RTN1: variants seen among roughly 807,000 people sequenced by gnomAD.
The protein encoded by RTN1 is reticulon-1.
RTN1 carries 25 observed loss-of-function variants against 65.5 expected under a neutral mutation model. The observed-to-expected ratio is 0.38, with a 90% CI of 0.28 to 0.53. RTN1 has a LOEUF of 0.53. Among genes scored for constraint, RTN1 ranks in the 20% least tolerant of loss-of-function variants. The pLI is 0.79. For missense variants in RTN1, 983 were observed against 1,025.4 expected (o/e 0.96, Z 0.57); for synonymous variants, 471 against 447.6 (o/e 1.05, Z -0.66).
chr14:59,635,954 T>C (rs1365874489), intron 3 of RTN1, among the ~76,000 whole-genome samples: 3 of 152,196 alleles, frequency 2.0e-5, no homozygotes, highest in Admixed American at 2.0e-4. Flanking sequence ...CTTAAAGTTA[T>C]AGTTTCCAAG....
chr14:59,645,863 A>G (rs1882884318), intron 3 of RTN1, among the ~76,000 whole-genome samples: 1 of 152,240 alleles, frequency 6.6e-6, no homozygotes, highest in Admixed American at 6.5e-5. Flanking sequence ...AAATGCAGAG[A>G]TGAGAAAGAA....
At chr14:59,864,558 A>AAG (rs1256896097) in intron 1 of RTN1, among the ~76,000 whole-genome samples, 1 of 151,838 alleles carries the variant, frequency 6.6e-6, no homozygotes, top group Non-Finnish European at 1.5e-5. Context: ...CCAAGAAAAA[A>AAG]AAAGTATAGT....
intron 1 of RTN1, among the ~76,000 whole-genome samples, chr14:59,799,496 T>C (rs1317856148): frequency 2.0e-5 from 3 of 152,192 alleles, no homozygotes; most frequent in Admixed American, 6.5e-5. Context: ...ATGGGACACA[T>C]GAATTCTTTC....
chr14:59,682,360 A>T lies in RTN1; in HGVS notation c.1765+44559T>A, dbSNP rs531577264. The stretch of plus-strand genomic sequence containing the variant: ...TTTGAACAAGATTTATTACACATCC[A>T]ATGTTATACCATGCATTGTGCTGGC... On this transcript the variant is annotated intron_variant, in intron 3 of 8. Coordinates refer to ENST00000267484, the MANE Select transcript of RTN1 (RefSeq NM_021136.3). Among the ~76,000 whole-genome samples the T allele has an allele frequency of 9.9e-5, 15 of 152,258 alleles. No homozygotes were observed. The East Asian group carries it at 2.7e-3, about 27-fold the overall frequency.
intron 1 of RTN1, among the ~76,000 whole-genome samples, chr14:59,779,311 G>A (rs1380495766): frequency 6.6e-6 from 1 of 152,000 alleles, no homozygotes. Context: ...GGGAGAAAGA[G>A]GTTTGAGAAG....
intron 1 of RTN1, among the ~76,000 whole-genome samples, chr14:59,807,571 G>A (rs1203927240): frequency 6.6e-6 from 1 of 152,192 alleles, no homozygotes; most frequent in Non-Finnish European, 1.5e-5. Flanking sequence ...GCTGCTTCTA[G>A]GACATGGCAG....
chr14:59,754,775 A>G (rs992246942), intron 1 of RTN1, among the ~76,000 whole-genome samples: 2 of 152,006 alleles, frequency 1.3e-5, no homozygotes, highest in African/African-American at 4.8e-5. Context: ...CTCTAATGAC[A>G]TCCTCTCATG....
At chr14:59,858,472 G>GT (rs71111672) in intron 1 of RTN1, among the ~76,000 whole-genome samples, 26,148 of 143,062 alleles carry the variant, frequency 0.18, 2,672 homozygotes, top group East Asian at 0.31. Flanking sequence ...TTCAAGAGTA[G>GT]TTTTTTTTTT....
Position 59,624,618 on chromosome 14 carries a change from C to T in RTN1, c.1766-17126G>A, listed in dbSNP as rs1006028361. On this transcript the variant is annotated intron_variant, in intron 3 of 8. Transcript: ENST00000267484. ...TTAGGACTACAGGCGTGTGCCACCACGCCTGACTAGTTTTTGTATTTTTAG... is the reference window on the plus strand; with the variant it reads ...TTAGGACTACAGGCGTGTGCCACCATGCCTGACTAGTTTTTGTATTTTTAG... Among the ~76,000 whole-genome samples, 7 of 152,136 alleles carry T rather than the reference C, an allele frequency of 4.6e-5. No individual in the cohort carries two copies. The East Asian group carries it at 7.7e-4, about 17-fold the overall frequency.
At chr14:59,639,066 G>T (rs1249038820) in intron 3 of RTN1, among the ~76,000 whole-genome samples, 1 of 152,130 alleles carries the variant, frequency 6.6e-6, no homozygotes, top group Admixed American at 6.5e-5. Context: ...TTATTCATTG[G>T]CCTAACCGAA....
chr14:59,815,496 T>G (rs559949721), intron 1 of RTN1, among the ~76,000 whole-genome samples: 1 of 152,210 alleles, frequency 6.6e-6, no homozygotes, highest in South Asian at 2.1e-4. Context: ...CTCTAGTGCT[T>G]TCTCTTCACA....
intron 1 of RTN1, among the ~76,000 whole-genome samples, chr14:59,771,476 A>T (rs1885957976): frequency 6.6e-6 from 1 of 152,242 alleles, no homozygotes. Context: ...TATGTGAATC[A>T]TAAGCTTCCA....
At chr14:59,636,151 A>G (rs1335294515) in intron 3 of RTN1, among the ~76,000 whole-genome samples, 1 of 152,172 alleles carries the variant, frequency 6.6e-6, no homozygotes, top group African/African-American at 2.4e-5. Context: ...TGCTATACCG[A>G]GTGATGTGGT....
chr14:59,785,235 T>C (rs1886230655), intron 1 of RTN1, among the ~76,000 whole-genome samples: 1 of 152,220 alleles, frequency 6.6e-6, no homozygotes. Flanking sequence ...AAATACTGTG[T>C]CTTCCAATCA....
intron 1 of RTN1, among the ~76,000 whole-genome samples, chr14:59,827,699 A>G (rs1184756718): frequency 6.6e-6 from 1 of 152,172 alleles, no homozygotes; most frequent in Non-Finnish European, 1.5e-5. Flanking sequence ...CGGCCTCCTC[A>G]AGCCAGTTTC....
chr14:59,856,100 G>T (rs138429173), intron 1 of RTN1, among the ~76,000 whole-genome samples: 1 of 152,148 alleles, frequency 6.6e-6, no homozygotes, highest in African/African-American at 2.4e-5. Flanking sequence ...AGAAAACCCC[G>T]AGAACTCACT....
intron 3 of RTN1, among the ~76,000 whole-genome samples, chr14:59,625,452 G>C (rs1248875180): frequency 6.6e-6 from 1 of 152,138 alleles, no homozygotes; most frequent in Non-Finnish European, 1.5e-5. Flanking sequence ...TTCCAGGAAA[G>C]AAAAGCTCAT....
chr14:59,623,388 G>A (rs1312629070), intron 3 of RTN1, among the ~76,000 whole-genome samples: 1 of 152,182 alleles, frequency 6.6e-6, no homozygotes, highest in Non-Finnish European at 1.5e-5. Context: ...TGAAACAACA[G>A]GTCCTGTGAA....
At chr14:59,604,785 T>G (rs1055900343) in intron 5 of RTN1, 1 of 152,200 alleles carries the variant, frequency 6.6e-6, no homozygotes, top group East Asian at 1.9e-4. Context: ...TAACTTTGAT[T>G]CCACGTGTAA....
Sources: gnomAD v4.1 joint callset for allele counts (sites outside exome capture counted in the v4.1 genomes callset) on GRCh38, gnomAD v4.1.1 for gene constraint, MANE v1.5 for transcripts, NCBI Gene and HGNC (gene_info 2026-07-23, HGNC 2026-07-21) for gene names.